The following PPP1R16B variants were observed in gnomAD, a reference collection of about 807,000 sequenced individuals.
PPP1R16B encodes protein phosphatase 1 regulatory subunit 16B.
In PPP1R16B, 14 loss-of-function variants were observed where a neutral mutation model predicts 61.7. The ratio of observed to expected loss-of-function variants is 0.23; its 90% CI spans 0.15 to 0.35. The LOEUF (loss-of-function observed/expected upper bound fraction) is 0.35, where lower values mean the gene tolerates loss of function less well. PPP1R16B is among the 10% of genes least tolerant of loss of function. The probability of loss-of-function intolerance (pLI) is 1.00; values close to 1 mark genes in which losing one functional copy is unlikely to be tolerated. For missense variants in PPP1R16B, 547 were observed against 752.5 expected, an observed-to-expected ratio of 0.73 and a Z score of 3.19; for synonymous variants, 266 against 305.3, an observed-to-expected ratio of 0.87 and a Z score of 1.34.
At chr20:38,900,764 G>C in intron 5 of PPP1R16B, 80 bp downstream of exon 5, 1 of 1,110,982 alleles carries the variant, frequency 9.0e-7, no homozygotes. Flanking sequence ...CAGGCGAACA[G>C]ATTAGCTACG....
intron 2 of PPP1R16B, among the ~76,000 whole-genome samples, chr20:38,855,972 AGAGAGAG>A (rs1568663579): frequency 4.1e-5 from 1 of 24,600 alleles, no homozygotes; most frequent in Non-Finnish European, 7.1e-5. Flanking sequence ...AGAGAGAGAG[AGAGAGAG>A]AGAAGGAGGA....
At chr20:38,912,250 C>G (rs1390524959) in intron 10 of PPP1R16B, among the ~76,000 whole-genome samples, 1 of 152,050 alleles carries the variant, frequency 6.6e-6, no homozygotes, top group East Asian at 1.9e-4. Flanking sequence ...CAGGCACCTG[C>G]CACCATGCCC....
chr20:38,851,756 C>A (rs1398619692), intron 2 of PPP1R16B, among the ~76,000 whole-genome samples: 1 of 152,128 alleles, frequency 6.6e-6, no homozygotes, highest in African/African-American at 2.4e-5. Context: ...CATGGTGGCT[C>A]ATACCTGTAA....
chr20:38,882,505 C>T (rs1156618524), intron 2 of PPP1R16B, among the ~76,000 whole-genome samples: 1 of 152,168 alleles, frequency 6.6e-6, no homozygotes, highest in Non-Finnish European at 1.5e-5. Context: ...CTCAGCCTCC[C>T]AAAGCATTGG....
At chr20:38,888,497 C>T (rs547884386) in intron 2 of PPP1R16B, among the ~76,000 whole-genome samples, 3 of 152,140 alleles carry the variant, frequency 2.0e-5, no homozygotes, top group Non-Finnish European at 2.9e-5. Flanking sequence ...CAAGCAGGCT[C>T]GGAGTCATTT....
intron 4 of PPP1R16B, among the ~76,000 whole-genome samples, chr20:38,895,951 CCCT>C (rs1457967343): frequency 1.3e-5 from 1 of 78,116 alleles, no homozygotes. Context: ...TTCCCTCCCT[CCCT>C]CCTTTCTTCT....
intron 10 of PPP1R16B, among the ~76,000 whole-genome samples, chr20:38,914,403 C>A (rs1031249454): frequency 1.3e-5 from 2 of 152,098 alleles, no homozygotes; most frequent in African/African-American, 4.8e-5. Context: ...GTTTAACCTT[C>A]CTGTTGTCCA....
chr20:38,899,725 C>A lies in PPP1R16B; in HGVS notation c.468-856C>A, dbSNP rs569623173. 2.0e-5 allele frequency among the ~76,000 whole-genome samples: 3 copies of A among 151,888 alleles called. No homozygotes were observed. The East Asian group carries it at 5.8e-4, about 29-fold the overall frequency. ...AAGTAAAAAGAACTAATATGAGAGACCTGGTTTTGAGTCTGGACTCTACTG... is the reference window on the plus strand; with the variant it reads ...AAGTAAAAAGAACTAATATGAGAGAACTGGTTTTGAGTCTGGACTCTACTG... On this transcript the variant is annotated intron_variant, in intron 4 of 10. Transcript: ENST00000299824.
At chr20:38,879,015 C>A (rs183297100) in intron 2 of PPP1R16B, among the ~76,000 whole-genome samples, 1 of 152,032 alleles carries the variant, frequency 6.6e-6, no homozygotes, top group African/African-American at 2.4e-5. Context: ...ACGGCCAGTG[C>A]GTGTTTAGGC....
chr20:38,875,228 C>T (rs769956113), intron 2 of PPP1R16B, among the ~76,000 whole-genome samples: 30 of 152,238 alleles, frequency 2.0e-4, no homozygotes, highest in Admixed American at 2.0e-3. Flanking sequence ...CCTCTCTGAG[C>T]CAGGAACAGA....
intron 1 of PPP1R16B, among the ~76,000 whole-genome samples, chr20:38,808,260 T>C (rs1305723189): frequency 3.3e-5 from 5 of 152,282 alleles, no homozygotes; most frequent in African/African-American, 1.2e-4. Flanking sequence ...GCCCCAAGTG[T>C]AGCAACAGAG....
chr20:38,827,846 G>A (rs1407103762), intron 1 of PPP1R16B, among the ~76,000 whole-genome samples: 2 of 152,136 alleles, frequency 1.3e-5, no homozygotes, highest in South Asian at 2.1e-4. Context: ...GGGCGGGGGT[G>A]TACATCCTTT....
chr20:38,839,355 G>T (rs972695916), intron 2 of PPP1R16B, among the ~76,000 whole-genome samples: 1 of 152,204 alleles, frequency 6.6e-6, no homozygotes, highest in Non-Finnish European at 1.5e-5. Flanking sequence ...CGGTGATAAC[G>T]CACTTTATTT....
chr20:38,811,013 G>A (rs1318300143), intron 1 of PPP1R16B, among the ~76,000 whole-genome samples: 1 of 152,174 alleles, frequency 6.6e-6, no homozygotes, highest in Non-Finnish European at 1.5e-5. Flanking sequence ...AGTGGGGTGT[G>A]CTCTGGGTAT....
chr20:38,868,787 T>C (rs923639521), intron 2 of PPP1R16B, among the ~76,000 whole-genome samples: 9 of 152,226 alleles, frequency 5.9e-5, no homozygotes, highest in Non-Finnish European at 1.0e-4. Flanking sequence ...TGTGAAATCT[T>C]TGATGGCAGG....
intron 10 of PPP1R16B, among the ~76,000 whole-genome samples, chr20:38,908,732 G>T (rs1314227982): frequency 6.6e-6 from 1 of 152,220 alleles, no homozygotes; most frequent in Non-Finnish European, 1.5e-5. Flanking sequence ...CATTTCTGAT[G>T]GCTGCTTTAA....
intron 3 of PPP1R16B, among the ~76,000 whole-genome samples, chr20:38,890,926 C>A (rs1005209837): frequency 7.2e-5 from 11 of 152,286 alleles, no homozygotes; most frequent in African/African-American, 2.6e-4. Context: ...CCTGTGTGTC[C>A]TCTTGGCTTC....
intron 2 of PPP1R16B, among the ~76,000 whole-genome samples, chr20:38,848,062 A>AT (rs1490891785): frequency 6.6e-6 from 1 of 152,148 alleles, no homozygotes; most frequent in Non-Finnish European, 1.5e-5. Context: ...ATTCATTTAC[A>AT]TATTATCTAT....
chr20:38,905,062 G>T (rs2085428479), intron 6 of PPP1R16B, among the ~76,000 whole-genome samples: 1 of 152,176 alleles, frequency 6.6e-6, no homozygotes, highest in Non-Finnish European at 1.5e-5. Flanking sequence ...ATGACTGAAG[G>T]CCTTGAATGG....
Sources: allele counts gnomAD v4.1 joint callset (sites outside exome capture counted in the v4.1 genomes callset), GRCh38; gene constraint gnomAD v4.1.1; transcripts MANE v1.5; gene names NCBI Gene and HGNC (gene_info 2026-07-23, HGNC 2026-07-21).